ARL15: variants seen among roughly 807,000 people sequenced by gnomAD.
ARL15 encodes the protein ADP-ribosylation factor-like protein 15.
In ARL15, 19 loss-of-function variants were observed where a neutral mutation model predicts 25.2. The ratio of observed to expected loss-of-function variants is 0.75; its 90% CI spans 0.53 to 1.10. The LOEUF is 1.10. Ranked by LOEUF, ARL15 falls within the 50% of genes least tolerant of loss-of-function variation. The pLI is 0.00. For missense variants in ARL15, 220 were observed against 246.0 expected (o/e 0.89, Z 0.71); for synonymous variants, 94 against 86.8 (o/e 1.08, Z -0.46).
chr5:53,904,516 G>A (rs1214299754), intron 4 of ARL15, among the ~76,000 whole-genome samples: 1 of 152,082 alleles, frequency 6.6e-6, no homozygotes, highest in African/African-American at 2.4e-5. Flanking sequence ...ACAAAGGATT[G>A]AGAGGGAAAG....
chr5:53,987,417 C>CGCA (rs1260406617), intron 4 of ARL15, among the ~76,000 whole-genome samples: 2 of 151,702 alleles, frequency 1.3e-5, no homozygotes, highest in African/African-American at 4.8e-5. Flanking sequence ...CACATGCATG[C>CGCA]GCACAGGCCC....
At chr5:54,265,283 T>C (rs1215952544) in intron 1 of ARL15, among the ~76,000 whole-genome samples, 1 of 152,242 alleles carries the variant, frequency 6.6e-6, no homozygotes, top group Non-Finnish European at 1.5e-5. Context: ...GTAGTGGTTG[T>C]TTGGCCTTCT....
intron 3 of ARL15, among the ~76,000 whole-genome samples, chr5:54,128,427 C>T (rs1485703625): frequency 1.3e-5 from 2 of 152,146 alleles, no homozygotes; most frequent in Non-Finnish European, 2.9e-5. Flanking sequence ...ATATAATCTT[C>T]ACTCAATTCA....
chr5:54,219,631 A>G (rs1024223881), intron 1 of ARL15, among the ~76,000 whole-genome samples: 1 of 152,204 alleles, frequency 6.6e-6, no homozygotes, highest in Non-Finnish European at 1.5e-5. Flanking sequence ...AGTCTGTATC[A>G]TACTGGTTTA....
At chr5:54,121,976 A>G (rs190750735) in intron 3 of ARL15, among the ~76,000 whole-genome samples, 1 of 152,344 alleles carries the variant, frequency 6.6e-6, no homozygotes, top group East Asian at 1.9e-4. Flanking sequence ...TATAACTCAC[A>G]GAACTACTGA....
chr5:53,948,122 CAT>C (rs1353510505), intron 4 of ARL15, among the ~76,000 whole-genome samples: 1 of 152,106 alleles, frequency 6.6e-6, no homozygotes, highest in Non-Finnish European at 1.5e-5. Flanking sequence ...AAAATAGTGA[CAT>C]AGCAAAAACC....
At chr5:54,086,033 G>T (rs1383903402) in intron 4 of ARL15, among the ~76,000 whole-genome samples, 2 of 151,880 alleles carry the variant, frequency 1.3e-5, no homozygotes, top group Admixed American at 1.3e-4. Context: ...TCCTGCCTCA[G>T]CCTCCTGAGT....
chr5:53,939,299 CTT>C (rs1445809749), intron 4 of ARL15, among the ~76,000 whole-genome samples: 2 of 152,170 alleles, frequency 1.3e-5, no homozygotes, highest in Non-Finnish European at 2.9e-5. Context: ...TTCCCCTAGT[CTT>C]ATATTTCATG....
intron 4 of ARL15, among the ~76,000 whole-genome samples, chr5:54,073,516 G>T (rs753831359): frequency 3.3e-5 from 5 of 152,212 alleles, no homozygotes; most frequent in Admixed American, 1.3e-4. Flanking sequence ...CACTTCAGAA[G>T]TTGGTTAGAA....
At chr5:54,060,822 G>T (rs1176636007) in intron 4 of ARL15, among the ~76,000 whole-genome samples, 1 of 152,188 alleles carries the variant, frequency 6.6e-6, no homozygotes, top group Non-Finnish European at 1.5e-5. Context: ...ATGATTTAGG[G>T]TATTTGGCAG....
At chr5:54,109,799 G>C (rs1752689794) in intron 4 of ARL15, among the ~76,000 whole-genome samples, 1 of 151,906 alleles carries the variant, frequency 6.6e-6, no homozygotes, top group African/African-American at 2.4e-5. Flanking sequence ...GCTTTCTATA[G>C]AGAAAAATAG....
At chr5:54,096,036 T>G (rs1369260881) in intron 4 of ARL15, among the ~76,000 whole-genome samples, 1 of 152,200 alleles carries the variant, frequency 6.6e-6, no homozygotes, top group African/African-American at 2.4e-5. Context: ...GCATAATTTA[T>G]TACTTCATTT....
intron 3 of ARL15, among the ~76,000 whole-genome samples, chr5:54,125,567 C>T (rs952518406): frequency 6.6e-6 from 1 of 152,212 alleles, no homozygotes; most frequent in Non-Finnish European, 1.5e-5. Flanking sequence ...TATCTGTTCA[C>T]CTGCTGATCA....
chr5:54,053,671 A>G (rs1750768997), intron 4 of ARL15, among the ~76,000 whole-genome samples: 1 of 152,154 alleles, frequency 6.6e-6, no homozygotes, highest in East Asian at 1.9e-4. Context: ...TCTAAGTGTA[A>G]TCATGAGAAA....
At chr5:54,274,780 G>A (rs765331795) in intron 1 of ARL15, among the ~76,000 whole-genome samples, 2 of 152,098 alleles carry the variant, frequency 1.3e-5, no homozygotes, top group Non-Finnish European at 2.9e-5. Context: ...TGTAATCCCA[G>A]CTACTCAGGA....
At chr5:54,108,294 C>T (rs564011550) in intron 4 of ARL15, among the ~76,000 whole-genome samples, 11 of 152,084 alleles carry the variant, frequency 7.2e-5, no homozygotes, top group South Asian at 2.1e-4. Flanking sequence ...AAGGAATGAA[C>T]GAAAAACAGT....
chr5:54,080,923 T>C (rs1751777613), intron 4 of ARL15, among the ~76,000 whole-genome samples: 1 of 152,280 alleles, frequency 6.6e-6, no homozygotes. Flanking sequence ...GTGAGACCTC[T>C]CCTGGCATGC....
intron 1 of ARL15, among the ~76,000 whole-genome samples, chr5:54,264,029 T>A (rs1579962917): frequency 2.6e-5 from 4 of 152,168 alleles, no homozygotes; most frequent in Non-Finnish European, 5.9e-5. Flanking sequence ...TTGCTGAATA[T>A]CTACAAAGTT....
chr5:54,186,569 T>C (rs963406177), intron 1 of ARL15, among the ~76,000 whole-genome samples: 3 of 152,248 alleles, frequency 2.0e-5, no homozygotes, highest in African/African-American at 7.2e-5. Flanking sequence ...AGATGTCAGC[T>C]GATCTCTTTC....
Sources: allele counts gnomAD v4.1 joint callset (sites outside exome capture counted in the v4.1 genomes callset), GRCh38; gene constraint gnomAD v4.1.1; transcripts MANE v1.5; gene names NCBI Gene and HGNC (gene_info 2026-07-23, HGNC 2026-07-21).